Variants in RASA3 observed in about 807,000 individuals in gnomAD.
RASA3 encodes the protein ras GTPase-activating protein 3.
A neutral mutation model predicts 110.0 loss-of-function variants in RASA3; 73 were observed. The ratio of observed to expected loss-of-function variants is 0.66; its 90% CI spans 0.55 to 0.81. The LOEUF (loss-of-function observed/expected upper bound fraction) is 0.81, where lower values mean the gene tolerates loss of function less well. Among genes scored for constraint, RASA3 ranks in the 30% least tolerant of loss-of-function variants. The probability of loss-of-function intolerance (pLI) is 0.00; values close to 1 mark genes in which losing one functional copy is unlikely to be tolerated. For synonymous variants in RASA3, 500 were observed against 451.4 expected, an observed-to-expected ratio of 1.11 and a Z score of -1.37; for missense variants, 976 against 1,113.2, an observed-to-expected ratio of 0.88 and a Z score of 1.75.
At chr13:114,091,843 A>G (rs1566566303) in intron 1 of RASA3, among the ~76,000 whole-genome samples, 2 of 151,832 alleles carry the variant, frequency 1.3e-5, no homozygotes, top group African/African-American at 4.8e-5. Flanking sequence ...CTTTGCTGGG[A>G]GATTTTTTGT....
intron 22 of RASA3, among the ~76,000 whole-genome samples, chr13:113,989,029 AG>A (rs2053036552): frequency 9.8e-6 from 1 of 102,538 alleles, no homozygotes; most frequent in Admixed American, 9.6e-5. Flanking sequence ...CCCATCTGTC[AG>A]TCCACCCATC....
At chr13:114,075,362 T>C (rs1269982701) in intron 1 of RASA3, among the ~76,000 whole-genome samples, 1 of 152,192 alleles carries the variant, frequency 6.6e-6, no homozygotes, top group African/African-American at 2.4e-5. Flanking sequence ...TAAACTCAGT[T>C]TGAAGCTTTT....
chr13:114,032,624 C>T (rs1308137664), intron 4 of RASA3, among the ~76,000 whole-genome samples: 1 of 151,954 alleles, frequency 6.6e-6, no homozygotes, highest in Non-Finnish European at 1.5e-5. Context: ...AGCCCCACGG[C>T]ACCCCCACAC....
Position 114,063,553 on chromosome 13 carries a change from C to T in RASA3, c.173+10167G>A, listed in dbSNP as rs551466959. Among the ~76,000 whole-genome samples the T allele has an allele frequency of 3.1e-4, 47 of 152,212 alleles. 1 individual carries two copies. Among genetic ancestry groups the T allele is most frequent in the Admixed American group, 5.2e-4 (8 of 15,292 alleles). ...TGTGACAGAGTCAGCTTTTTCCTTTCACATCAGGCCATGGGCCACTTTCCA... is the reference window on the plus strand; with the variant it reads ...TGTGACAGAGTCAGCTTTTTCCTTTTACATCAGGCCATGGGCCACTTTCCA... On this transcript the variant is annotated intron_variant, in intron 2 of 23. Transcript: ENST00000334062.
At chr13:114,043,459 G>C (rs1044336196) in intron 3 of RASA3, among the ~76,000 whole-genome samples, 6 of 152,078 alleles carry the variant, frequency 3.9e-5, no homozygotes, top group African/African-American at 7.2e-5. Flanking sequence ...TCCCAGCTCC[G>C]GGACCCCCGC....
intron 3 of RASA3, among the ~76,000 whole-genome samples, chr13:114,043,694 A>G (rs1319947546): frequency 2.0e-5 from 3 of 151,998 alleles, no homozygotes; most frequent in Admixed American, 6.6e-5. Context: ...GCCCCAGCAC[A>G]TGTGGGAGAA....
chr13:114,061,236 C>T (rs1048623166), intron 2 of RASA3, among the ~76,000 whole-genome samples: 3 of 152,038 alleles, frequency 2.0e-5, no homozygotes, highest in African/African-American at 4.8e-5. Context: ...CCTCGATGCG[C>T]GGGGCTCCCT....
At chr13:114,036,151 C>G (rs1317799126) in intron 4 of RASA3, 2 of 152,272 alleles carry the variant, frequency 1.3e-5, no homozygotes, top group Non-Finnish European at 2.9e-5. Context: ...ACAGGCGGTG[C>G]CCTCGCTGGC....
Position 114,115,588 on chromosome 13 carries a change from C to T in RASA3, c.55+16847G>A, listed in dbSNP as rs924226940. 1.3e-5 allele frequency among the ~76,000 whole-genome samples: 2 copies of T among 152,332 alleles called. No homozygotes were observed. Among genetic ancestry groups the T allele is most frequent in the East Asian group, 1.9e-4 (1 of 5,186 alleles). Reference sequence around the variant, plus strand: ...GCCTCGAAGCAGCTGGTCATGTCCACGCCCTCTGCAGGCCTCGTGTCCCCC... The same window carrying T: ...GCCTCGAAGCAGCTGGTCATGTCCATGCCCTCTGCAGGCCTCGTGTCCCCC... On this transcript the variant is annotated intron_variant, in intron 1 of 23. Transcript: ENST00000334062. This position sits in a 1 kb window ranked among gnomAD's most constrained non-coding sequence, Gnocchi z 5.0.
chr13:114,129,305 A>G (rs147146925), intron 1 of RASA3, among the ~76,000 whole-genome samples: 132 of 152,370 alleles, frequency 8.7e-4, no homozygotes, highest in African/African-American at 3.0e-3. Flanking sequence ...ACATATCCAA[A>G]ATGATTCCAC....
chr13:114,098,757 G>GT (rs1443528096), intron 1 of RASA3, among the ~76,000 whole-genome samples: 4 of 152,132 alleles, frequency 2.6e-5, no homozygotes, highest in African/African-American at 9.7e-5. Flanking sequence ...GGCAGTGGAA[G>GT]GCACAAGGGC....
rs768504257 is a variant in RASA3 at position 114,016,153 on chromosome 13, C to G, written c.1281+44G>C. ...CCAGGCAGCCATCGGCTGAAAAACC[C>G]CAAGCAGGTGACTGGCTTTGGTTGG... is the stretch of plus-strand genomic sequence containing the variant. On this transcript the variant is annotated intron_variant, in intron 13 of 23. Transcript: ENST00000334062. 4 of 1,512,662 alleles carry G rather than the reference C, an allele frequency of 2.6e-6. No individual in the cohort carries two copies. The South Asian group carries it at 4.5e-5, about 17-fold the overall frequency. 93.7% of individuals were successfully genotyped at this position (1,512,662 alleles called of 1,614,324 possible). A position where few individuals can be genotyped will look rare whatever the true frequency, so the allele number is the denominator to read the frequency against.
rs374736081 is a variant in RASA3 at position 114,040,985 on chromosome 13, C to T, written c.372+15G>A. Reference sequence around the variant, plus strand: ...CCCAGGGCTCTGGTTTCCGGGGCTGCGCCGAGAGTCTCACCTGCACTTCCG... The same window carrying T: ...CCCAGGGCTCTGGTTTCCGGGGCTGTGCCGAGAGTCTCACCTGCACTTCCG... On this transcript the variant is annotated intron_variant, in intron 4 of 23. Transcript: ENST00000334062. 2.7e-5 allele frequency: 43 copies of T among 1,612,340 alleles called. No homozygotes were observed. In the East Asian group the frequency reaches 6.9e-4, roughly 26 times the overall value.
At chr13:114,005,098 C>T (rs1387633615) in intron 18 of RASA3, among the ~76,000 whole-genome samples, 1 of 152,150 alleles carries the variant, frequency 6.6e-6, no homozygotes, top group Non-Finnish European at 1.5e-5. Context: ...GACACGTATT[C>T]GGAATCACAG....
chr13:113,982,009 A>G, intron 22 of RASA3, 151 bp from the exon 23 acceptor site: 1 of 688,780 alleles, frequency 1.5e-6, no homozygotes, highest in South Asian at 2.1e-5. Context: ...GTAAACGCAG[A>G]CGGAGATAGA....
At chr13:114,101,973 TC>T (rs2080065810) in intron 1 of RASA3, among the ~76,000 whole-genome samples, 1 of 152,036 alleles carries the variant, frequency 6.6e-6, no homozygotes, top group South Asian at 2.1e-4. Flanking sequence ...AGCGGGGGTC[TC>T]AGTTTCCAAG....
chr13:114,127,025 A>G (rs1159761320), intron 1 of RASA3, among the ~76,000 whole-genome samples: 3 of 152,074 alleles, frequency 2.0e-5, no homozygotes, highest in African/African-American at 7.2e-5. Context: ...AGCAGCCATC[A>G]CTTTGCTTGT....
intron 18 of RASA3, among the ~76,000 whole-genome samples, chr13:114,004,204 C>T (rs1416655632): frequency 6.6e-6 from 1 of 151,744 alleles, no homozygotes; most frequent in Non-Finnish European, 1.5e-5. Flanking sequence ...AGAGTATCCA[C>T]AAAAATAGAC....
chr13:114,116,819 G>C (rs920747356), intron 1 of RASA3, among the ~76,000 whole-genome samples: 1 of 140,928 alleles, frequency 7.1e-6, no homozygotes, highest in African/African-American at 2.7e-5. Flanking sequence ...TGTGTGAAGA[G>C]AGCACGTGTG....
Sources: allele counts gnomAD v4.1 joint callset (sites outside exome capture counted in the v4.1 genomes callset), GRCh38; gene constraint gnomAD v4.1.1; non-coding constraint Gnocchi (gnomAD v3.1); transcripts MANE v1.5; gene names NCBI Gene and HGNC (gene_info 2026-07-23, HGNC 2026-07-21).